ANKRD36: variants seen among roughly 807,000 people sequenced by gnomAD.
The protein encoded by ANKRD36 is ankyrin repeat domain-containing protein 36A.
In ANKRD36, 179 loss-of-function variants were observed where a neutral mutation model predicts 278.1. The ratio of observed to expected loss-of-function variants is 0.64; its 90% CI spans 0.57 to 0.73. The LOEUF (loss-of-function observed/expected upper bound fraction) is 0.73, where lower values mean the gene tolerates loss of function less well. Ranked by LOEUF, ANKRD36 falls within the 30% of genes least tolerant of loss-of-function variation. ANKRD36 has a pLI of 0.00. For missense variants in ANKRD36, 1,159 were observed against 1,956.7 expected (o/e 0.59, Z 7.69); for synonymous variants, 320 against 641.1 (o/e 0.50, Z 7.57).
chr2:97,189,517 G>A (rs200920905), intron 34 of ANKRD36, among the ~76,000 whole-genome samples: 2 of 88,248 alleles, frequency 2.3e-5, no homozygotes, highest in African/African-American at 5.3e-5. Flanking sequence ...CATTGAAATT[G>A]GGAAGAAGAT....
At chr2:97,224,436 G>GTTTTTTTT in intron 66 of ANKRD36, among the ~76,000 whole-genome samples, 1 of 142,478 alleles carries the variant, frequency 7.0e-6, no homozygotes, top group Non-Finnish European at 1.5e-5. Flanking sequence ...CTATCGTTTT[G>GTTTTTTTT]TTTTTTTGTT....
intron 42 of ANKRD36, among the ~76,000 whole-genome samples, chr2:97,197,856 A>G (rs1350567737): frequency 1.3e-5 from 2 of 151,876 alleles, no homozygotes; most frequent in African/African-American, 4.8e-5. Flanking sequence ...GATACAAAAA[A>G]CTTAGGCAGA....
intron 54 of ANKRD36, among the ~76,000 whole-genome samples, chr2:97,209,467 A>T (rs1277910666): frequency 1.4e-5 from 2 of 146,300 alleles, no homozygotes; most frequent in African/African-American, 5.3e-5. Flanking sequence ...AAATCATATA[A>T]TGTTTGAAAT....
At chr2:97,222,857 A>G (rs1465984249) in intron 66 of ANKRD36, among the ~76,000 whole-genome samples, 1 of 152,106 alleles carries the variant, frequency 6.6e-6, no homozygotes, top group Non-Finnish European at 1.5e-5. Flanking sequence ...GATTTTACTA[A>G]GAAACCTATT....
chr2:97,213,108 C>T (rs2065104290), intron 58 of ANKRD36: 1 of 409,872 alleles, frequency 2.4e-6, no homozygotes, highest in East Asian at 6.2e-5. Context: ...ATGAGTTGCT[C>T]CTCTGATTTT....
chr2:97,230,772 A>ATCTACTTT lies in ANKRD36; in HGVS notation c.3952-2956_3952-2949dup, dbSNP rs1393336432. 3.9e-5 allele frequency among the ~76,000 whole-genome samples: 6 copies of ATCTACTTT among 152,088 alleles called. 1 individual carries two copies. In the East Asian group the frequency reaches 1.2e-3, roughly 30 times the overall value. On this transcript the variant is annotated intron_variant, in intron 67 of 75. Coordinates refer to ENST00000420699, the MANE Select transcript of ANKRD36 (RefSeq NM_001354587.1). ...GTTTTTTCCCCATCTTTGAGGTTTT[A>ATCTACTTT]TCTACTTTTGGTCTTTGATGATGGT...
Position 97,201,552 on chromosome 2 carries a change from A to T in ANKRD36, c.2858-650A>T, listed in dbSNP as rs554782806. Among the ~76,000 whole-genome samples the T allele has an allele frequency of 9.2e-5, 14 of 152,042 alleles. No individual in the cohort carries two copies. In the South Asian group the frequency reaches 2.9e-3, roughly 32 times the overall value. On this transcript the variant is annotated intron_variant, in intron 46 of 75. Coordinates refer to ENST00000420699, the MANE Select transcript of ANKRD36 (RefSeq NM_001354587.1). ...TATTATCCTTTGGTGCCATGAGTGG[A>T]TGAAGAAACTTTTGGAAGTCTAAAC...
chr2:97,220,051 C>CTGTG (rs71274689), intron 66 of ANKRD36, among the ~76,000 whole-genome samples: 1,138 of 111,202 alleles, frequency 0.01, 25 homozygotes, highest in Admixed American at 0.015. Context: ...GATTAGCACA[C>CTGTG]TGTGTGTGTG....
intron 6 of ANKRD36, among the ~76,000 whole-genome samples, chr2:97,141,378 A>G (rs1250720392): frequency 1.4e-5 from 2 of 139,332 alleles, no homozygotes; most frequent in Non-Finnish European, 3.1e-5. Flanking sequence ...CAAAAGTGGA[A>G]AAAGAGATGG....
At chr2:97,183,364 C>T (rs2056702653) in intron 26 of ANKRD36, 95 bp from the exon 27 acceptor site, 1 of 1,386,716 alleles carries the variant, frequency 7.2e-7, no homozygotes, top group Admixed American at 2.3e-5. Flanking sequence ...CTAGTGCAGG[C>T]AGGAGGATAC....
At chr2:97,233,516 T>A (rs1227328586) in intron 67 of ANKRD36, among the ~76,000 whole-genome samples, 2 of 152,088 alleles carry the variant, frequency 1.3e-5, no homozygotes, top group African/African-American at 4.8e-5. Flanking sequence ...GTCAGTTTTC[T>A]AAATAGCACA....
At chr2:97,129,837 T>A (rs112847098) in intron 6 of ANKRD36, among the ~76,000 whole-genome samples, 1 of 152,106 alleles carries the variant, frequency 6.6e-6, no homozygotes, top group African/African-American at 2.4e-5. Context: ...TGTATCTCTG[T>A]TTTGGTACCA....
At chr2:97,151,238 ATACT>A (rs1322198265) in intron 12 of ANKRD36, among the ~76,000 whole-genome samples, 1 of 151,764 alleles carries the variant, frequency 6.6e-6, no homozygotes, top group Non-Finnish European at 1.5e-5. Context: ...TATTGTCAGG[ATACT>A]TAGTTACAGC....
intron 54 of ANKRD36, among the ~76,000 whole-genome samples, chr2:97,208,793 A>C (rs1308072467): frequency 1.4e-5 from 2 of 146,660 alleles, no homozygotes; most frequent in Non-Finnish European, 3.0e-5. Context: ...TATTTAATGT[A>C]ACTTCTTTAG....
intron 4 of ANKRD36, among the ~76,000 whole-genome samples, chr2:97,123,801 A>G (rs986213986): frequency 6.8e-5 from 10 of 146,102 alleles, no homozygotes; most frequent in African/African-American, 1.0e-4. Context: ...TACTTTATAG[A>G]TAATATATAA....
In ANKRD36 at chr2:97,183,534, A is replaced by G. The variant is rs1187659703; in HGVS notation, c.1866+47A>G. On this transcript the variant is annotated intron_variant, in intron 27 of 75. Coordinates refer to ENST00000420699, the MANE Select transcript of ANKRD36 (RefSeq NM_001354587.1). ...TTTTGAATTATTTATTTTATAGCCT[A>G]TGAAATATGTATTATATATTGACTA... 7 of 1,551,690 alleles carry G rather than the reference A, an allele frequency of 4.5e-6. No homozygotes were observed. In the African/African-American group the frequency reaches 5.5e-5, roughly 12 times the overall value.
chr2:97,228,327 C>G (rs1035732319), intron 67 of ANKRD36, among the ~76,000 whole-genome samples: 31 of 152,154 alleles, frequency 2.0e-4, no homozygotes, highest in African/African-American at 7.5e-4. Flanking sequence ...TGTTATTGGT[C>G]TATTCAGAGA....
At chr2:97,221,733 G>C (rs1347744381) in intron 66 of ANKRD36, among the ~76,000 whole-genome samples, 1 of 150,464 alleles carries the variant, frequency 6.6e-6, no homozygotes, top group African/African-American at 2.5e-5. Flanking sequence ...TAGGTTGCCT[G>C]TTCACTCGGA....
chr2:97,193,570 G>A (rs2059010609), intron 38 of ANKRD36, among the ~76,000 whole-genome samples: 1 of 149,488 alleles, frequency 6.7e-6, no homozygotes, highest in Non-Finnish European at 1.5e-5. Context: ...GGTTTCTGCT[G>A]AGGAAACCTG....
Sources: allele counts gnomAD v4.1 joint callset (sites outside exome capture counted in the v4.1 genomes callset), GRCh38; gene constraint gnomAD v4.1.1; transcripts MANE v1.5; gene names NCBI Gene and HGNC (gene_info 2026-07-23, HGNC 2026-07-21).